WAPL: variants seen among roughly 807,000 people sequenced by gnomAD.
WAPL encodes wings apart-like protein homolog.
A neutral mutation model predicts 121.0 loss-of-function variants in WAPL; 5 were observed. That is an observed-to-expected ratio of 0.04 (90% CI 0.02 to 0.09). The LOEUF is 0.09. Ranked by LOEUF, WAPL falls within the 10% of genes least tolerant of loss-of-function variation. The pLI is 1.00. For synonymous variants in WAPL, 480 were observed against 481.5 expected (o/e 1.00, Z 0.04); for missense variants, 999 against 1,410.8 (o/e 0.71, Z 4.68).
intron 4 of WAPL, among the ~76,000 whole-genome samples, chr10:86,476,642 T>C (rs1267375175): frequency 6.6e-6 from 1 of 150,702 alleles, no homozygotes; most frequent in Non-Finnish European, 1.5e-5. Flanking sequence ...TGAGCCGAGA[T>C]TGCGCCACTG....
intron 4 of WAPL, among the ~76,000 whole-genome samples, chr10:86,475,595 CATG>C (rs1277184203): frequency 6.6e-6 from 1 of 152,240 alleles, no homozygotes; most frequent in Non-Finnish European, 1.5e-5. Context: ...GTTTGCATAA[CATG>C]ATGATGCATT....
Position 86,517,654 on chromosome 10 carries a change from G to A in WAPL, c.416C>T (p.Thr139Ile). ...TGTGCTCTTTTCTTTCCCAAGTAAA[G>A]TGTCCTCCAAAGGGAAGCATTTATC... ...VSDKCFPLED[T>I]LLGKEKSTNR... Residue 139 changes from threonine to isoleucine, a missense_variant, in exon 2 of 19, where the codon ACT becomes ATT. Thr to Ile is a moderately conservative substitution (Grantham distance 89). Transcript: ENST00000298767. 1.2e-6 allele frequency: 2 copies of A among 1,614,018 alleles called. No individual in the cohort carries two copies. The highest frequency in any genetic ancestry group is 1.7e-6 in the Non-Finnish European group (2 of 1,179,994).
chr10:86,453,202 A>C lies in WAPL; in HGVS notation c.2949+18T>G. Reference sequence around the variant, plus strand: ...ATTAGATATGATACTCATTTCTGAAAAAGTCATTTCAACTTACCAGCACTC... The same window carrying C: ...ATTAGATATGATACTCATTTCTGAACAAGTCATTTCAACTTACCAGCACTC... On this transcript the variant is annotated intron_variant, in intron 14 of 18. Coordinates refer to ENST00000298767, the MANE Select transcript of WAPL (RefSeq NM_015045.5). The C allele has an allele frequency of 6.2e-7, 1 of 1,612,632 alleles. No homozygotes were observed. Among genetic ancestry groups the C allele is most frequent in the Non-Finnish European group, 8.5e-7 (1 of 1,178,752 alleles).
At chr10:86,476,363 T>C (rs1564574244) in intron 4 of WAPL, among the ~76,000 whole-genome samples, 1 of 149,962 alleles carries the variant, frequency 6.7e-6, no homozygotes, top group East Asian at 2.0e-4. Flanking sequence ...AGACTCTGTC[T>C]CAAAAAATTA....
intron 9 of WAPL, among the ~76,000 whole-genome samples, chr10:86,464,605 G>A (rs564605888): frequency 9.8e-5 from 15 of 152,310 alleles, no homozygotes; most frequent in African/African-American, 3.4e-4. Context: ...GGAAGGCCGA[G>A]GAGGACAGAT....
intron 15 of WAPL, 132 bp downstream of exon 15, chr10:86,451,835 A>G: frequency 2.1e-6 from 2 of 968,070 alleles, no homozygotes; most frequent in Admixed American, 2.7e-5. Context: ...CTAACTAAAA[A>G]GGCCGGGGGA....
intron 4 of WAPL, among the ~76,000 whole-genome samples, chr10:86,496,342 C>A (rs905612875): frequency 1.3e-5 from 2 of 152,082 alleles, no homozygotes; most frequent in Non-Finnish European, 2.9e-5. Context: ...TTGCTGGTAG[C>A]AATGTAAAAT....
chr10:86,512,902 G>T (rs557875655), intron 2 of WAPL, among the ~76,000 whole-genome samples: 1 of 151,964 alleles, frequency 6.6e-6, no homozygotes, highest in East Asian at 1.9e-4. Context: ...CATAATAAAC[G>T]TTTTCTTCTT....
intron 15 of WAPL, among the ~76,000 whole-genome samples, 153 bp downstream of exon 15, chr10:86,451,814 C>T (rs1840988144): frequency 6.6e-6 from 1 of 152,152 alleles, no homozygotes; most frequent in Non-Finnish European, 1.5e-5. Flanking sequence ...CAGAGACATG[C>T]TTCAGGAGTT....
chr10:86,490,164 A>C (rs2132211869), intron 4 of WAPL, among the ~76,000 whole-genome samples: 1 of 152,068 alleles, frequency 6.6e-6, no homozygotes, highest in African/African-American at 2.4e-5. Context: ...CAGTGAGCCA[A>C]GATCGCGTCG....
At chr10:86,502,664 A>G (rs982924666) in intron 2 of WAPL, among the ~76,000 whole-genome samples, 1 of 152,262 alleles carries the variant, frequency 6.6e-6, no homozygotes, top group African/African-American at 2.4e-5. Context: ...AAATATATAC[A>G]GACTTCCTTT....
Position 86,467,262 on chromosome 10 carries a change from A to G in WAPL, c.2370+17T>C. The G allele has an allele frequency of 6.2e-7, 1 of 1,603,442 alleles. No individual in the cohort carries two copies. On this transcript the variant is annotated intron_variant, in intron 9 of 18. Transcript: ENST00000298767. ...GAAAGTAATTCTCATCTTAGAAGGA[A>G]GGAAGAAGGAACCCACCGTTATATT... is the stretch of plus-strand genomic sequence containing the variant.
Position 86,467,387 on chromosome 10 carries a change from A to G in WAPL, c.2262T>C (p.Ala754=), listed in dbSNP as rs773894117. ...TTTCATTCAGTAGCTTGGCTGATGAAGCATCTTGTTCCAGTTCCAAAAGTC... is the reference window on the plus strand; with the variant it reads ...TTTCATTCAGTAGCTTGGCTGATGAGGCATCTTGTTCCAGTTCCAAAAGTC... The part of the protein sequence containing the change: ...MIRLLELEQD[A]SSAKLLNEKD... The change falls in exon 9 of 19, where the codon GCT becomes GCC. Residue 754 remains alanine (A), a synonymous_variant. Coordinates refer to ENST00000298767, the MANE Select transcript of WAPL (RefSeq NM_015045.5). The G allele has an allele frequency of 2.5e-6, 4 of 1,614,118 alleles. No individual in the cohort carries two copies. In the Admixed American group the frequency reaches 6.7e-5, roughly 27 times the overall value.
intron 2 of WAPL, among the ~76,000 whole-genome samples, chr10:86,503,639 G>A (rs768205101): frequency 9.2e-5 from 14 of 151,858 alleles, no homozygotes; most frequent in Non-Finnish European, 1.5e-4. Flanking sequence ...TGTAGTTCCA[G>A]CTACCCGGGA....
intron 12 of WAPL, 152 bp from the exon 13 acceptor site, chr10:86,453,983 A>C (rs1841069252): frequency 1.5e-6 from 1 of 663,752 alleles, no homozygotes; most frequent in Admixed American, 3.8e-5. Context: ...GGAATGTTAA[A>C]ATTAAAAACT....
intron 2 of WAPL, among the ~76,000 whole-genome samples, chr10:86,512,860 T>TA (rs1842492051): frequency 6.6e-6 from 1 of 152,020 alleles, no homozygotes; most frequent in South Asian, 2.1e-4. Context: ...GGTTTTTTTT[T>TA]ACCATTCTAT....
chr10:86,520,023 C>A (rs573852314), intron 1 of WAPL, among the ~76,000 whole-genome samples: 2 of 152,144 alleles, frequency 1.3e-5, no homozygotes, highest in Admixed American at 6.5e-5. Context: ...TGGCTGGGGG[C>A]GGCAGGTCAC....
rs1272685556 is a variant in WAPL, at chr10:86,452,228, TA to T, written c.2950-98del. 202 of 1,195,978 alleles carry T rather than the reference TA, an allele frequency of 1.7e-4. 2 individuals carry two copies. The East Asian group carries it at 4.8e-3, about 29-fold the overall frequency. 74.1% of individuals were successfully genotyped at this position (1,195,978 alleles called of 1,614,324 possible). A position where few individuals can be genotyped will look rare whatever the true frequency, so the allele number is the denominator to read the frequency against. On this transcript the variant is annotated intron_variant, in intron 14 of 18. Coordinates refer to ENST00000298767, the MANE Select transcript of WAPL (RefSeq NM_015045.5). ...TTTTAATGGCAACTAAAAAGCTGAA[TA>T]TCAGTGTTCTACCACCTACAAAATG...
Position 86,443,370 on chromosome 10 carries a change from G to C in WAPL, c.3323-7C>G, listed in dbSNP as rs1380090281. ...TTGCCGGCATGCTGAAGGGCTGAGAGAATTGAAGTAAAGAATTGTAACAGT... is the reference window on the plus strand; with the variant it reads ...TTGCCGGCATGCTGAAGGGCTGAGACAATTGAAGTAAAGAATTGTAACAGT... On this transcript the variant is annotated splice_polypyrimidine_tract_variant and splice_region_variant and intron_variant, in intron 16 of 18. Coordinates refer to ENST00000298767, the MANE Select transcript of WAPL (RefSeq NM_015045.5). The C allele has an allele frequency of 3.1e-6, 5 of 1,613,370 alleles. No homozygotes were observed. The highest frequency in any genetic ancestry group is 1.1e-5 in the South Asian group (1 of 90,978).
Sources: allele counts gnomAD v4.1 joint callset (sites outside exome capture counted in the v4.1 genomes callset), GRCh38; gene constraint gnomAD v4.1.1; transcripts MANE v1.5; gene names NCBI Gene and HGNC (gene_info 2026-07-23, HGNC 2026-07-21).